CYP2C19: variants seen among roughly 807,000 people sequenced by gnomAD.
CYP2C19 encodes cytochrome P450 2C19.
In CYP2C19, 59 loss-of-function variants were observed where a neutral mutation model predicts 40.9. That is an observed-to-expected ratio of 1.44 (90% CI 1.17 to 1.79). CYP2C19 has a LOEUF of 1.79. Ranked by LOEUF, CYP2C19 falls within the 40% of genes most tolerant of loss-of-function variation. CYP2C19 has a pLI of 0.00. For synonymous variants in CYP2C19, 253 were observed against 208.7 expected (o/e 1.21, Z -1.83); for missense variants, 754 against 596.9 (o/e 1.26, Z -2.74).
intron 6 of CYP2C19, among the ~76,000 whole-genome samples, chr10:94,841,127 C>T (rs1420807010): frequency 1.2e-4 from 19 of 152,128 alleles, no homozygotes; most frequent in Non-Finnish European, 1.6e-4. Flanking sequence ...GGGTTCTTGG[C>T]CTCACGAATT....
Position 94,852,723 on chromosome 10 carries a change from T to C in CYP2C19, c.1292-10T>C. 1.2e-6 allele frequency: 2 copies of C among 1,613,626 alleles called. No individual in the cohort carries two copies. The highest frequency in any genetic ancestry group is 4.5e-5 in the East Asian group (2 of 44,882). ...GAGGAGTAACTTCTCCCTATGTTTG[T>C]TATTTTCAGGAAAACGGATTTGTGT... On this transcript the variant is annotated splice_polypyrimidine_tract_variant and intron_variant, in intron 8 of 8. Transcript: ENST00000371321.
At chr10:94,793,740 C>T (rs1009306907) in intron 5 of CYP2C19, among the ~76,000 whole-genome samples, 2 of 152,096 alleles carry the variant, frequency 1.3e-5, no homozygotes, top group Non-Finnish European at 2.9e-5. Context: ...CAAAGGAGCA[C>T]CGGGCTGTAT....
intron 6 of CYP2C19, among the ~76,000 whole-genome samples, chr10:94,839,180 C>T (rs186310900): frequency 7.2e-5 from 11 of 152,300 alleles, no homozygotes; most frequent in Admixed American, 6.5e-4. Flanking sequence ...CTTACACTCA[C>T]CGATGTAGCA....
At chr10:94,794,896 C>A (rs1282491225) in intron 5 of CYP2C19, among the ~76,000 whole-genome samples, 1 of 152,042 alleles carries the variant, frequency 6.6e-6, no homozygotes, top group Non-Finnish European at 1.5e-5. Context: ...CCCTTTATTT[C>A]TTTCTCCTGC....
intron 5 of CYP2C19, among the ~76,000 whole-genome samples, chr10:94,807,645 A>T (rs1271513078): frequency 3.9e-5 from 6 of 152,094 alleles, no homozygotes; most frequent in Admixed American, 3.9e-4. Flanking sequence ...TGATATAATC[A>T]TAAGCATTTT....
At chr10:94,804,661 T>TAC (rs1848809784) in intron 5 of CYP2C19, among the ~76,000 whole-genome samples, 1 of 152,148 alleles carries the variant, frequency 6.6e-6, no homozygotes. Context: ...GAGGCTCTCT[T>TAC]TCACATAACG....
chr10:94,828,191 G>T (rs1403963468), intron 6 of CYP2C19, among the ~76,000 whole-genome samples: 3 of 152,124 alleles, frequency 2.0e-5, no homozygotes, highest in African/African-American at 7.2e-5. Context: ...GCTTGGTGCA[G>T]ACCTGAGTTC....
intron 5 of CYP2C19, among the ~76,000 whole-genome samples, chr10:94,788,213 T>C (rs1433093773): frequency 1.3e-5 from 2 of 151,958 alleles, no homozygotes; most frequent in African/African-American, 4.8e-5. Flanking sequence ...TACTGAGTTT[T>C]GTACATTTAT....
intron 6 of CYP2C19, among the ~76,000 whole-genome samples, chr10:94,822,847 T>G (rs1184403186): frequency 6.6e-6 from 1 of 152,182 alleles, no homozygotes; most frequent in African/African-American, 2.4e-5. Flanking sequence ...GAACATTTTT[T>G]CATATGTTTG....
chr10:94,846,336 C>G (rs1849572636), intron 7 of CYP2C19, among the ~76,000 whole-genome samples: 1 of 152,114 alleles, frequency 6.6e-6, no homozygotes, highest in South Asian at 2.1e-4. Context: ...GGCAAGAAAA[C>G]TACATAGTAC....
intron 8 of CYP2C19, among the ~76,000 whole-genome samples, chr10:94,852,523 G>C (rs949990348): frequency 6.6e-6 from 1 of 152,146 alleles, no homozygotes. Context: ...TCATTGTTTA[G>C]TTGCCTATCC....
intron 5 of CYP2C19, among the ~76,000 whole-genome samples, chr10:94,797,320 C>G (rs937301064): frequency 1.3e-5 from 2 of 152,088 alleles, no homozygotes; most frequent in Admixed American, 6.6e-5. Context: ...GTTGAACCAG[C>G]CTTGCATCCC....
chr10:94,852,634 G>T, intron 8 of CYP2C19, 99 bp from the exon 9 acceptor site: 1 of 1,334,402 alleles, frequency 7.5e-7, no homozygotes, highest in Non-Finnish European at 1.1e-6. Context: ...TCACCGAACA[G>T]TTCTTGCATA....
At chr10:94,782,756 T>A (rs2134241051) in intron 5 of CYP2C19, among the ~76,000 whole-genome samples, 1 of 152,278 alleles carries the variant, frequency 6.6e-6, no homozygotes, top group African/African-American at 2.4e-5. Flanking sequence ...GTGGCACATA[T>A]ACACCATAAA....
intron 8 of CYP2C19, 110 bp downstream of exon 8, chr10:94,850,168 A>G: frequency 1.6e-6 from 2 of 1,286,590 alleles, no homozygotes; most frequent in Non-Finnish European, 2.2e-6. Flanking sequence ...TTTGTACATG[A>G]TCAAGAGCAC....
chr10:94,807,232 A>G (rs1328872206), intron 5 of CYP2C19, among the ~76,000 whole-genome samples: 1 of 152,094 alleles, frequency 6.6e-6, no homozygotes, highest in Non-Finnish European at 1.5e-5. Context: ...GGCTTTTCTT[A>G]TTGGTAATTA....
chr10:94,848,042 A>G (rs1276435893), intron 7 of CYP2C19, among the ~76,000 whole-genome samples: 3 of 152,080 alleles, frequency 2.0e-5, no homozygotes, highest in Non-Finnish European at 2.9e-5. Flanking sequence ...ATTCACTCTG[A>G]TGGTGGTTTC....
rs367927616 is a variant in CYP2C19, at chr10:94,769,227, G to A, written c.169-5831G>A. Reference sequence around the variant, plus strand: ...ATCTAGAGTACCCTGCTGGCATGAGGCTTCCGAACTGATAGCTAAAAGTAA... The same window carrying A: ...ATCTAGAGTACCCTGCTGGCATGAGACTTCCGAACTGATAGCTAAAAGTAA... On this transcript the variant is annotated intron_variant, in intron 1 of 8. Coordinates refer to ENST00000371321, the MANE Select transcript of CYP2C19 (RefSeq NM_000769.4). 2.1e-4 allele frequency among the ~76,000 whole-genome samples: 32 copies of A among 152,222 alleles called. No homozygotes were observed. In the East Asian group the frequency reaches 5.8e-3, roughly 28 times the overall value.
intron 3 of CYP2C19, chr10:94,776,168 T>C (rs1848406071): frequency 6.6e-6 from 1 of 152,280 alleles, no homozygotes; most frequent in African/African-American, 2.4e-5. Context: ...TTATTTCTTG[T>C]TACTCTATTG....
Sources: gnomAD v4.1 joint callset for allele counts (sites outside exome capture counted in the v4.1 genomes callset) on GRCh38, gnomAD v4.1.1 for gene constraint, MANE v1.5 for transcripts, NCBI Gene and HGNC (gene_info 2026-07-23, HGNC 2026-07-21) for gene names.